Variants in REEP1 observed in about 807,000 individuals in gnomAD.
REEP1 encodes the protein receptor accessory protein 1.
In REEP1, 22 loss-of-function variants were observed where a neutral mutation model predicts 40.3. The observed-to-expected ratio is 0.55, with a 90% confidence interval of 0.39 to 0.78. The LOEUF (loss-of-function observed/expected upper bound fraction) is 0.78. Among genes scored for constraint, REEP1 ranks in the 30% least tolerant of loss-of-function variants. The pLI, the probability that REEP1 is intolerant of heterozygous loss-of-function variation, is 0.00. For missense variants in REEP1, 280 were observed against 361.1 expected (o/e 0.78, Z 1.82); for synonymous variants, 116 against 139.2 (o/e 0.83, Z 1.17).
chr2:86,259,145 C>T (rs1212620380), intron 3 of REEP1, among the ~76,000 whole-genome samples: 1 of 151,610 alleles, frequency 6.6e-6, no homozygotes, highest in African/African-American at 2.4e-5. Flanking sequence ...AAAAAATTAG[C>T]CAGGCATGGT....
intron 1 of REEP1, among the ~76,000 whole-genome samples, chr2:86,334,069 C>T (rs1338090248): frequency 6.6e-6 from 1 of 152,232 alleles, no homozygotes; most frequent in Non-Finnish European, 1.5e-5. Flanking sequence ...TTCAACACAA[C>T]CAACCTTCAC....
intron 2 of REEP1, among the ~76,000 whole-genome samples, chr2:86,272,645 A>T (rs1314601626): frequency 2.0e-5 from 3 of 152,106 alleles, no homozygotes; most frequent in Non-Finnish European, 2.9e-5. Context: ...CAGGTAACCA[A>T]TCCCCAAGTT....
At chr2:86,317,446 C>A (rs1299144262) in intron 1 of REEP1, among the ~76,000 whole-genome samples, 4 of 152,166 alleles carry the variant, frequency 2.6e-5, no homozygotes, top group African/African-American at 9.7e-5. Context: ...TCTCAAGAAC[C>A]TTTCAGGGGA....
At chr2:86,232,990 C>T (rs929641307) in intron 5 of REEP1, among the ~76,000 whole-genome samples, 188 bp from the exon 6 acceptor site, 1 of 152,182 alleles carries the variant, frequency 6.6e-6, no homozygotes, top group Non-Finnish European at 1.5e-5. Context: ...TTTCCAGGGC[C>T]TCCTCTGGGG....
chr2:86,276,625 G>A (rs1447372865), intron 2 of REEP1, among the ~76,000 whole-genome samples: 1 of 152,204 alleles, frequency 6.6e-6, no homozygotes, highest in African/African-American at 2.4e-5. Context: ...TATGAGATTG[G>A]TGTGCAGTCC....
chr2:86,333,280 C>T (rs1680859773), intron 1 of REEP1, among the ~76,000 whole-genome samples: 1 of 152,206 alleles, frequency 6.6e-6, no homozygotes, highest in Non-Finnish European at 1.5e-5. Context: ...GGACAATCCA[C>T]ATTCCTCCCA....
At chr2:86,275,752 T>C (rs943727358) in intron 2 of REEP1, among the ~76,000 whole-genome samples, 1 of 152,240 alleles carries the variant, frequency 6.6e-6, no homozygotes, top group African/African-American at 2.4e-5. Context: ...GTGACTCTCC[T>C]ACTTCTAGAC....
intron 5 of REEP1, among the ~76,000 whole-genome samples, chr2:86,243,754 T>C (rs1306828603): frequency 6.6e-6 from 1 of 152,198 alleles, no homozygotes; most frequent in African/African-American, 2.4e-5. Flanking sequence ...GTTTAGATAA[T>C]CTTGGTGTTT....
intron 7 of REEP1, among the ~76,000 whole-genome samples, chr2:86,224,549 T>C (rs1674589481): frequency 6.6e-6 from 1 of 152,144 alleles, no homozygotes; most frequent in Non-Finnish European, 1.5e-5. Context: ...CATGCAGACC[T>C]GAGAGCCAGG....
chr2:86,217,540 C>T (rs1334902478), intron 8 of REEP1, among the ~76,000 whole-genome samples: 1 of 152,158 alleles, frequency 6.6e-6, no homozygotes, highest in Non-Finnish European at 1.5e-5. Flanking sequence ...TTTCCAGTCC[C>T]CTTTCTGGAT....
At chr2:86,295,684 C>A (rs1375700850) in intron 1 of REEP1, among the ~76,000 whole-genome samples, 1 of 152,114 alleles carries the variant, frequency 6.6e-6, no homozygotes. Flanking sequence ...GGACTACAGG[C>A]GCCCACCACC....
rs1484551287 is a variant in REEP1 at position 86,337,346 on chromosome 2, A to G, written c.32+133T>C. 2 of 499,336 alleles carry G rather than the reference A, an allele frequency of 4.0e-6. No individual in the cohort carries two copies. Among genetic ancestry groups the G allele is most frequent in the East Asian group, 4.5e-5 (1 of 22,032 alleles). The allele number at this position is 499,336 out of a possible 1,614,324, so 30.9% of individuals were successfully genotyped here. ...CGCAGGCGTCCTCGGCGGCTACTGT[A>G]CCTGCTAAATTTAGCTGCGCCGGGT... On this transcript the variant is annotated intron_variant, in intron 1 of 8. Transcript: ENST00000538924. This position sits in a 1 kb window ranked among gnomAD's most constrained non-coding sequence, Gnocchi z 5.8.
upstream of REEP1, chr2:86,337,881 G>A: frequency 1.1e-6 from 1 of 905,800 alleles, no homozygotes. This position sits in a 1 kb window ranked among gnomAD's most constrained non-coding sequence, Gnocchi z 5.8. Flanking sequence ...TGCAGGGCAG[G>A]GACCCGGGTG....
intron 1 of REEP1, among the ~76,000 whole-genome samples, chr2:86,314,866 T>C (rs545567986): frequency 6.6e-6 from 1 of 151,608 alleles, no homozygotes; most frequent in South Asian, 2.1e-4. Flanking sequence ...CTAATTTTTC[T>C]ATTTTTTCTA....
At chr2:86,279,982 T>A (rs1428126769) in intron 2 of REEP1, 2 of 456,284 alleles carry the variant, frequency 4.4e-6, no homozygotes, top group East Asian at 6.9e-5. Context: ...ATAGTGAGAA[T>A]CTCATTTCTG....
At chr2:86,264,377 C>T (rs1677034528) in intron 2 of REEP1, among the ~76,000 whole-genome samples, 1 of 152,144 alleles carries the variant, frequency 6.6e-6, no homozygotes, top group Admixed American at 6.5e-5. Context: ...TCTACACAAA[C>T]ACACCCTGGA....
intron 1 of REEP1, among the ~76,000 whole-genome samples, chr2:86,295,102 A>T (rs1393839641): frequency 6.6e-6 from 1 of 152,244 alleles, no homozygotes; most frequent in African/African-American, 2.4e-5. Flanking sequence ...TCAATGAGCA[A>T]AATTTAAATT....
intron 5 of REEP1, 150 bp downstream of exon 5, chr2:86,251,807 A>AT: frequency 1.4e-6 from 1 of 738,098 alleles, no homozygotes; most frequent in Non-Finnish European, 2.5e-6. Flanking sequence ...AAGATTCAGC[A>AT]TTTTTTTCCA....
At chr2:86,280,082 C>T (rs57412282) in intron 2 of REEP1, 21,148 of 455,816 alleles carry the variant, frequency 0.046, 641 homozygotes, top group African/African-American at 0.1. Flanking sequence ...CTGGGTGGGG[C>T]GTGGGTGTGG....
Sources: gnomAD v4.1 joint callset for allele counts (sites outside exome capture counted in the v4.1 genomes callset) on GRCh38, gnomAD v4.1.1 for gene constraint, Gnocchi (gnomAD v3.1) non-coding constraint, MANE v1.5 for transcripts, NCBI Gene and HGNC (gene_info 2026-07-23, HGNC 2026-07-21) for gene names.